Variants in CEACAM20 observed in about 807,000 individuals in gnomAD.
CEACAM20 encodes cell adhesion molecule CEACAM20.
A neutral mutation model predicts 61.2 loss-of-function variants in CEACAM20; 50 were observed. The ratio of observed to expected loss-of-function variants is 0.82; its 90% CI spans 0.65 to 1.03. The LOEUF is 1.03. Ranked by LOEUF, CEACAM20 falls within the 50% of genes least tolerant of loss-of-function variation. CEACAM20 has a pLI of 0.00. For synonymous variants in CEACAM20, 282 were observed against 287.7 expected (o/e 0.98, Z 0.20); for missense variants, 683 against 736.4 (o/e 0.93, Z 0.84).
chr19:44,520,837 A>AGTGC (rs370056603), intron 4 of CEACAM20, 85 bp from the exon 5 acceptor site: 3 of 1,293,854 alleles, frequency 2.3e-6, no homozygotes, highest in Non-Finnish European at 3.1e-6. Flanking sequence ...TTTTTCCAGG[A>AGTGC]GTGCGTGCGT....
intron 1 of CEACAM20, among the ~76,000 whole-genome samples, chr19:44,526,769 G>A (rs777223900): frequency 1.3e-5 from 2 of 151,206 alleles, no homozygotes; most frequent in African/African-American, 4.9e-5. Flanking sequence ...AGCTACTTGG[G>A]AGGCTGAGGC....
At chr19:44,506,278 T>A in intron 11 of CEACAM20, 64 bp from the exon 12 acceptor site, 2 of 1,447,188 alleles carry the variant, frequency 1.4e-6, no homozygotes, top group Non-Finnish European at 1.9e-6. Flanking sequence ...CTACTCACTG[T>A]AGTCTGGGGC....
chr19:44,518,743 C>T (rs1177204200), intron 5 of CEACAM20, among the ~76,000 whole-genome samples: 1 of 152,098 alleles, frequency 6.6e-6, no homozygotes, highest in African/African-American at 2.4e-5. Flanking sequence ...TCTCCCCATC[C>T]TGACCCCATT....
At chr19:44,510,608 GAAAAAGGAAGGAAGGAAGAAAGAA>G (rs1970961986) in intron 11 of CEACAM20, among the ~76,000 whole-genome samples, 1 of 79,012 alleles carries the variant, frequency 1.3e-5, no homozygotes, top group Non-Finnish European at 2.3e-5. Context: ...AAGAAAGAAA[GAAAAAGGAAGGAAGGAAGAAAGAA>G]AGAGAAGAAA....
chr19:44,509,650 T>G (rs1970914775), intron 11 of CEACAM20, among the ~76,000 whole-genome samples: 1 of 151,124 alleles, frequency 6.6e-6, no homozygotes. Context: ...TGGAATAGAA[T>G]AGAGTGGGGT....
chr19:44,527,724 C>T (rs544622531), intron 1 of CEACAM20, among the ~76,000 whole-genome samples: 1 of 152,344 alleles, frequency 6.6e-6, no homozygotes, highest in South Asian at 2.1e-4. Context: ...TGCACCCTTC[C>T]AGGGTTAGCC....
chr19:44,509,848 A>G (rs1970920577), intron 11 of CEACAM20, among the ~76,000 whole-genome samples: 1 of 152,218 alleles, frequency 6.6e-6, no homozygotes, highest in African/African-American at 2.4e-5. Context: ...ACTGGAATGT[A>G]GTGGAATGAA....
At chr19:44,510,319 C>T (rs1462364322) in intron 11 of CEACAM20, among the ~76,000 whole-genome samples, 1 of 151,768 alleles carries the variant, frequency 6.6e-6, no homozygotes, top group Non-Finnish European at 1.5e-5. Flanking sequence ...CAAGACCAGC[C>T]TGGCCAACAT....
At chr19:44,508,525 G>A (rs910231197) in intron 11 of CEACAM20, among the ~76,000 whole-genome samples, 4 of 152,248 alleles carry the variant, frequency 2.6e-5, no homozygotes, top group East Asian at 3.9e-4. Flanking sequence ...AAGTAGCTGG[G>A]ATTACAGGTG....
rs183109855 is a variant in CEACAM20, at chr19:44,515,652, G to A, written c.1309+1294C>T. The stretch of plus-strand genomic sequence containing the variant: ...ATATGGGAAAGTTGGATTCAGACAT[G>A]TGGCACAGGCTCAATAAATAATAAT... On this transcript the variant is annotated intron_variant, in intron 6 of 11. Transcript: ENST00000614924. 1.1e-4 allele frequency among the ~76,000 whole-genome samples: 17 copies of A among 152,246 alleles called. No homozygotes were observed. In the East Asian group the frequency reaches 3.3e-3, roughly 29 times the overall value.
At chr19:44,526,129 A>G (rs894013250) in intron 1 of CEACAM20, among the ~76,000 whole-genome samples, 1 of 152,172 alleles carries the variant, frequency 6.6e-6, no homozygotes, top group Non-Finnish European at 1.5e-5. Context: ...GATCTTGGTG[A>G]AAAATATTAA....
intron 6 of CEACAM20, among the ~76,000 whole-genome samples, chr19:44,516,283 A>G (rs913352666): frequency 2.0e-5 from 3 of 152,004 alleles, no homozygotes. Flanking sequence ...TATATCTCTG[A>G]CTCATTGTCC....
chr19:44,517,340 C>T, intron 5 of CEACAM20, 116 bp from the exon 6 acceptor site: 1 of 1,270,592 alleles, frequency 7.9e-7, no homozygotes, highest in Non-Finnish European at 1.1e-6. Flanking sequence ...ACTCCCTTTT[C>T]CTCCTTAGCT....
intron 10 of CEACAM20, 108 bp downstream of exon 10, chr19:44,511,529 G>T (rs1970999063): frequency 7.1e-6 from 8 of 1,131,700 alleles, no homozygotes; most frequent in East Asian, 2.6e-5. Context: ...CCTGTGATGT[G>T]CCATGAAATG....
intron 1 of CEACAM20, among the ~76,000 whole-genome samples, chr19:44,528,487 G>C (rs1431605717): frequency 1.3e-5 from 2 of 152,152 alleles, no homozygotes; most frequent in African/African-American, 2.4e-5. Context: ...GCCCCCCAAA[G>C]TGCTGGGATT....
intron 5 of CEACAM20, among the ~76,000 whole-genome samples, chr19:44,518,107 G>GA (rs1568452831): frequency 9.8e-5 from 4 of 40,714 alleles, no homozygotes; most frequent in Admixed American, 2.3e-4. Flanking sequence ...AGAAAGAAAG[G>GA]AAGGAAGGAA....
At chr19:44,528,501 G>A (rs1971605459) in intron 1 of CEACAM20, among the ~76,000 whole-genome samples, 2 of 152,120 alleles carry the variant, frequency 1.3e-5, no homozygotes, top group Admixed American at 1.3e-4. Flanking sequence ...TGGGATTACA[G>A]GCGTGAGCCA....
In CEACAM20 at chr19:44,524,049, G is replaced by A. The variant is rs921589271; in HGVS notation, c.409C>T (p.Gln137Ter). The A allele has an allele frequency of 6.4e-7, 1 of 1,564,064 alleles. No homozygotes were observed. The highest frequency in any genetic ancestry group is 1.4e-5 in the African/African-American group (1 of 74,044). Reference sequence around the variant, plus strand: ...AGAAGGGCATCTCGAGCTTCACATTGGTAAGTCCCTGAGTCCTCCCGCTGG... The same window carrying A: ...AGAAGGGCATCTCGAGCTTCACATTAGTAAGTCCCTGAGTCCTCCCGCTGG... ...IVQREDSGTY[Q>*]CEARDALLSQ... is the part of the protein sequence containing the mutation. Residue 137 changes from glutamine to a stop codon, truncating the protein, a stop_gained, in exon 3 of 12, where the codon CAA becomes TAA. Coordinates refer to ENST00000614924, the MANE Select transcript of CEACAM20 (RefSeq NM_001102597.3). LOFTEE classifies it high-confidence loss of function.
At chr19:44,508,959 G>GA (rs1970895595) in intron 11 of CEACAM20, among the ~76,000 whole-genome samples, 1 of 152,116 alleles carries the variant, frequency 6.6e-6, no homozygotes. Flanking sequence ...TCTCCCATGA[G>GA]AAAAATGTGG....
Sources: allele counts gnomAD v4.1 joint callset (sites outside exome capture counted in the v4.1 genomes callset), GRCh38; gene constraint gnomAD v4.1.1; transcripts MANE v1.5; gene names NCBI Gene and HGNC (gene_info 2026-07-23, HGNC 2026-07-21).